Variants in E2F3 observed in about 807,000 individuals in gnomAD.
The protein encoded by E2F3 is transcription factor E2F3.
Under a neutral mutation model 44.4 loss-of-function variants are expected in E2F3, and 11 were observed. That is an observed-to-expected ratio of 0.25 (90% CI 0.16 to 0.41). E2F3 has a LOEUF of 0.41. Among genes scored for constraint, E2F3 ranks in the 10% least tolerant of loss-of-function variants. The pLI is 1.00. For synonymous variants in E2F3, 249 were observed against 253.0 expected, an observed-to-expected ratio of 0.98 and a Z score of 0.15; for missense variants, 487 against 583.6, an observed-to-expected ratio of 0.83 and a Z score of 1.70.
At chr6:20,430,894 G>A (rs575070820) in intron 1 of E2F3, among the ~76,000 whole-genome samples, 24 of 152,160 alleles carry the variant, frequency 1.6e-4, no homozygotes, top group South Asian at 1.0e-3. Flanking sequence ...GCATGGTGGC[G>A]CACACCTGTC....
intron 1 of E2F3, among the ~76,000 whole-genome samples, chr6:20,468,487 C>T (rs1341975512): frequency 1.3e-5 from 2 of 152,212 alleles, no homozygotes; most frequent in Non-Finnish European, 2.9e-5. Flanking sequence ...TCCTTGCATG[C>T]GTCACCCTCC....
chr6:20,431,567 T>C (rs1760402192), intron 1 of E2F3, among the ~76,000 whole-genome samples: 2 of 152,106 alleles, frequency 1.3e-5, no homozygotes, highest in Admixed American at 1.3e-4. Context: ...AGCCAGTGGA[T>C]AAATGGCCCT....
chr6:20,403,907 G>C (rs1232344157), intron 1 of E2F3: 5 of 945,760 alleles, frequency 5.3e-6, no homozygotes, highest in Non-Finnish European at 7.5e-6. Flanking sequence ...GAAGCGGTGA[G>C]GGTAGGCGGT....
At chr6:20,458,637 T>C (rs938357178) in intron 1 of E2F3, among the ~76,000 whole-genome samples, 4 of 152,248 alleles carry the variant, frequency 2.6e-5, no homozygotes, top group Non-Finnish European at 5.9e-5. Flanking sequence ...AAGCCCTAAT[T>C]CCATTCTGTC....
At chr6:20,465,054 AGTCAG>A (rs1761655816) in intron 1 of E2F3, among the ~76,000 whole-genome samples, 1 of 152,224 alleles carries the variant, frequency 6.6e-6, no homozygotes, top group African/African-American at 2.4e-5. Flanking sequence ...CTGTAGCCCA[AGTCAG>A]GGCTTGCCCA....
intron 1 of E2F3, among the ~76,000 whole-genome samples, chr6:20,430,549 G>A (rs1204434257): frequency 6.6e-6 from 1 of 152,168 alleles, no homozygotes; most frequent in African/African-American, 2.4e-5. Flanking sequence ...ATAAACTGGA[G>A]TTAGTTGTTC....
intron 4 of E2F3, 88 bp downstream of exon 4, chr6:20,483,008 T>C (rs1762281247): frequency 2.1e-5 from 33 of 1,582,696 alleles, no homozygotes; most frequent in Non-Finnish European, 2.8e-5. Flanking sequence ...CAAGGTAGAT[T>C]ATTATTCTGA....
chr6:20,423,552 C>A (rs559808213), intron 1 of E2F3, among the ~76,000 whole-genome samples: 1 of 152,240 alleles, frequency 6.6e-6, no homozygotes, highest in Admixed American at 6.5e-5. Flanking sequence ...CTCACTGCAA[C>A]CTCTGCCTCC....
chr6:20,488,272 TAGAAA>T (rs762788184), intron 6 of E2F3, 24 bp downstream of exon 6: 9 of 1,564,938 alleles, frequency 5.8e-6, no homozygotes, highest in Non-Finnish European at 7.7e-6. Context: ...TTTTGTCTTT[TAGAAA>T]CTATGTTAAA....
At chr6:20,452,118 T>A (rs567826226) in intron 1 of E2F3, among the ~76,000 whole-genome samples, 1 of 152,118 alleles carries the variant, frequency 6.6e-6, no homozygotes, top group African/African-American at 2.4e-5. Context: ...CTAGTTACAG[T>A]GGGAATGGTA....
At chr6:20,486,885 AG>A in intron 5 of E2F3, 82 bp downstream of exon 5, 1 of 865,876 alleles carries the variant, frequency 1.2e-6, no homozygotes, top group South Asian at 1.6e-5. Flanking sequence ...TCATAGTTAA[AG>A]TCTGTCCCCC....
At chr6:20,432,933 C>T (rs944673500) in intron 1 of E2F3, among the ~76,000 whole-genome samples, 4 of 152,198 alleles carry the variant, frequency 2.6e-5, no homozygotes. Context: ...ACCTTGGCTC[C>T]TTGTCATCTA....
At chr6:20,468,160 C>T (rs1039351522) in intron 1 of E2F3, among the ~76,000 whole-genome samples, 4 of 152,206 alleles carry the variant, frequency 2.6e-5, no homozygotes, top group Non-Finnish European at 5.9e-5. Flanking sequence ...GCTGGGCGTC[C>T]TCCAATTCAA....
At chr6:20,413,842 T>C (rs1455604632) in intron 1 of E2F3, among the ~76,000 whole-genome samples, 1 of 152,072 alleles carries the variant, frequency 6.6e-6, no homozygotes, top group Non-Finnish European at 1.5e-5. Flanking sequence ...GCAACAATGA[T>C]GGTGTGAAAA....
intron 1 of E2F3, among the ~76,000 whole-genome samples, chr6:20,471,530 G>A (rs1288524244): frequency 1.3e-5 from 2 of 152,142 alleles, no homozygotes; most frequent in Non-Finnish European, 2.9e-5. Flanking sequence ...GCAGTGAGTG[G>A]AGACTGCACC....
intron 1 of E2F3, among the ~76,000 whole-genome samples, chr6:20,467,347 G>A (rs6926668): frequency 0.77 from 117,294 of 152,162 alleles, 45,405 homozygotes; most frequent in African/African-American, 0.8. Flanking sequence ...TCAGCTTGAC[G>A]TTTATAGGTG....
chr6:20,405,636 A>G (rs1280686604), intron 1 of E2F3, among the ~76,000 whole-genome samples: 1 of 152,182 alleles, frequency 6.6e-6, no homozygotes, highest in Non-Finnish European at 1.5e-5. Context: ...CATCCTGGCC[A>G]ACATGGTGAA....
At chr6:20,432,263 C>T (rs139758931) in intron 1 of E2F3, among the ~76,000 whole-genome samples, 1 of 151,292 alleles carries the variant, frequency 6.6e-6, no homozygotes, top group East Asian at 2.0e-4. Context: ...ATAGAACTCA[C>T]CTACTCTGGG....
intron 1 of E2F3, among the ~76,000 whole-genome samples, chr6:20,404,718 G>C (rs1259779733): frequency 6.6e-6 from 1 of 152,078 alleles, no homozygotes; most frequent in Admixed American, 6.6e-5. Flanking sequence ...AGTCAAAGAA[G>C]CTCATCGTTT....
Sources: allele counts gnomAD v4.1 joint callset (sites outside exome capture counted in the v4.1 genomes callset), GRCh38; gene constraint gnomAD v4.1.1; transcripts MANE v1.5; gene names NCBI Gene and HGNC (gene_info 2026-07-23, HGNC 2026-07-21).